SDK1: variants seen among roughly 807,000 people sequenced by gnomAD.
The protein encoded by SDK1 is protein sidekick-1.
In SDK1, 157 loss-of-function variants were observed where a neutral mutation model predicts 245.5. The observed-to-expected ratio is 0.64, with a 90% CI of 0.56 to 0.73. The LOEUF (loss-of-function observed/expected upper bound fraction) is 0.73. Ranked by LOEUF, SDK1 falls within the 30% of genes least tolerant of loss-of-function variation. SDK1 has a pLI of 0.00. For missense variants in SDK1, 3,583 were observed against 3,002.3 expected (o/e 1.19, Z -4.52); for synonymous variants, 1,647 against 1,278.5 (o/e 1.29, Z -6.15).
intron 5 of SDK1, among the ~76,000 whole-genome samples, chr7:3,937,705 T>C (rs774078856): frequency 5.3e-5 from 8 of 152,212 alleles, no homozygotes; most frequent in Non-Finnish European, 1.0e-4. Context: ...GGACCAAGGC[T>C]TCAAAGGCCC....
intron 17 of SDK1, among the ~76,000 whole-genome samples, chr7:4,048,772 G>A (rs1489457835): frequency 6.6e-6 from 1 of 152,222 alleles, no homozygotes; most frequent in African/African-American, 2.4e-5. Flanking sequence ...CATTTGGCAG[G>A]TATATAATTG....
chr7:4,031,007 A>T (rs1467680216), intron 17 of SDK1, among the ~76,000 whole-genome samples: 1 of 152,194 alleles, frequency 6.6e-6, no homozygotes, highest in African/African-American at 2.4e-5. Context: ...GCCCCCATAC[A>T]TACACATTCA....
intron 1 of SDK1, among the ~76,000 whole-genome samples, chr7:3,568,101 A>C (rs1043765422): frequency 6.6e-6 from 1 of 152,218 alleles, no homozygotes. Flanking sequence ...GATTACAGGC[A>C]TGAACCACTG....
intron 22 of SDK1, among the ~76,000 whole-genome samples, chr7:4,085,355 C>T (rs946323775): frequency 6.6e-6 from 1 of 151,960 alleles, no homozygotes; most frequent in African/African-American, 2.4e-5. Context: ...CAGTTTATAC[C>T]TACAGTTTAT....
chr7:4,121,023 C>G (rs4723397), intron 25 of SDK1, among the ~76,000 whole-genome samples: 2 of 150,994 alleles, frequency 1.3e-5, no homozygotes, highest in African/African-American at 4.9e-5. Context: ...GAAAACCTAT[C>G]TTTATAGTAG....
chr7:3,667,962 T>C (rs1272705262), intron 4 of SDK1, among the ~76,000 whole-genome samples: 1 of 152,222 alleles, frequency 6.6e-6, no homozygotes, highest in African/African-American at 2.4e-5. Flanking sequence ...AGTTACATGC[T>C]TGGAGTAGAC....
intron 5 of SDK1, among the ~76,000 whole-genome samples, chr7:3,822,857 C>A (rs1779680152): frequency 6.6e-6 from 1 of 151,774 alleles, no homozygotes; most frequent in African/African-American, 2.4e-5. Context: ...TTGCCTTAGG[C>A]CCAGTAGAAT....
intron 4 of SDK1, among the ~76,000 whole-genome samples, chr7:3,816,202 A>T (rs1202014490): frequency 6.6e-6 from 1 of 151,442 alleles, no homozygotes; most frequent in Non-Finnish European, 1.5e-5. Flanking sequence ...AAGCAAGAGC[A>T]AACACATTCA....
chr7:3,994,019 C>G (rs1784530354), intron 14 of SDK1, among the ~76,000 whole-genome samples: 2 of 152,144 alleles, frequency 1.3e-5, no homozygotes, highest in South Asian at 2.1e-4. Context: ...ATTTTCTCCT[C>G]TCTATCCATT....
At chr7:3,589,421 C>T (rs917038873) in intron 1 of SDK1, among the ~76,000 whole-genome samples, 1 of 152,230 alleles carries the variant, frequency 6.6e-6, no homozygotes, top group African/African-American at 2.4e-5. Flanking sequence ...ACCAGCACCA[C>T]CTCCATGGCG....
chr7:3,672,950 A>G (rs1056201061), intron 4 of SDK1, among the ~76,000 whole-genome samples: 1 of 150,758 alleles, frequency 6.6e-6, no homozygotes. Context: ...TTCTAGATGC[A>G]TCTTTTAATA....
intron 43 of SDK1, among the ~76,000 whole-genome samples, chr7:4,243,697 G>C (rs796685876): frequency 2.0e-5 from 3 of 152,108 alleles, no homozygotes; most frequent in African/African-American, 4.8e-5. Flanking sequence ...CTCCCACCAG[G>C]TCCCTCCCAC....
intron 14 of SDK1, among the ~76,000 whole-genome samples, chr7:3,991,184 G>A (rs1048897606): frequency 1.8e-4 from 28 of 152,206 alleles, no homozygotes; most frequent in African/African-American, 6.3e-4. Flanking sequence ...TGGGCCAGAC[G>A]GGCGACGAGG....
intron 13 of SDK1, among the ~76,000 whole-genome samples, chr7:3,977,372 A>ACGCAGAGGGCCCTCCAGAGAAT: frequency 1.7e-5 from 2 of 120,168 alleles, no homozygotes; most frequent in Non-Finnish European, 4.0e-5. Context: ...TGAGGCTGCC[A>ACGCAGAGGGCCCTCCAGAGAAT]CACAGACGGT....
At chr7:3,767,518 T>C (rs754961708) in intron 4 of SDK1, among the ~76,000 whole-genome samples, 1 of 152,210 alleles carries the variant, frequency 6.6e-6, no homozygotes, top group Non-Finnish European at 1.5e-5. Context: ...AAAATGAAAT[T>C]CATGATAGCT....
At chr7:3,590,156 C>A (rs1370749872) in intron 1 of SDK1, among the ~76,000 whole-genome samples, 2 of 152,146 alleles carry the variant, frequency 1.3e-5, no homozygotes, top group Non-Finnish European at 2.9e-5. Flanking sequence ...AGCAGGTAGC[C>A]TCAGGCTGTG....
rs575199349 is a variant in SDK1, at chr7:3,962,921, C to A, written c.1429+70C>A. On this transcript the variant is annotated intron_variant, in intron 9 of 44. Transcript: ENST00000404826. ...GTGAGTACACTCAGCCCCATGGCTA[C>A]CTGGATGTAACCAGTGGGTACACCC... is the stretch of plus-strand genomic sequence containing the variant. The A allele has an allele frequency of 2.8e-4, 216 of 759,144 alleles. 1 individual carries two copies. The African/African-American group carries it at 4.7e-3, about 16-fold the overall frequency. The allele number at this position is 759,144 out of a possible 1,614,324, so 47.0% of individuals were successfully genotyped here. A position where few individuals can be genotyped will look rare whatever the true frequency, so the allele number is the denominator to read the frequency against.
chr7:4,216,793 G>T lies in SDK1; in HGVS notation c.5540-3316G>T, dbSNP rs1013594873. 2.6e-5 allele frequency among the ~76,000 whole-genome samples: 4 copies of T among 152,266 alleles called. 1 individual carries two copies. The highest frequency in any genetic ancestry group is 9.6e-5 in the African/African-American group (4 of 41,542). Reference sequence around the variant, plus strand: ...CTGGGCATTGACCAGTCGGGCCAAGGCAAATAGAGGGTACAGCATTTACCC... The same window carrying T: ...CTGGGCATTGACCAGTCGGGCCAAGTCAAATAGAGGGTACAGCATTTACCC... On this transcript the variant is annotated intron_variant, in intron 38 of 44. Coordinates refer to ENST00000404826, the MANE Select transcript of SDK1 (RefSeq NM_152744.4).
intron 22 of SDK1, among the ~76,000 whole-genome samples, chr7:4,086,665 T>G (rs1374802264): frequency 6.6e-6 from 1 of 152,094 alleles, no homozygotes; most frequent in Non-Finnish European, 1.5e-5. Flanking sequence ...AGCCTCCCAC[T>G]TCCACTTTTA....
Sources: gnomAD v4.1 joint callset for allele counts (sites outside exome capture counted in the v4.1 genomes callset) on GRCh38, gnomAD v4.1.1 for gene constraint, MANE v1.5 for transcripts, NCBI Gene and HGNC (gene_info 2026-07-23, HGNC 2026-07-21) for gene names.